The following TRIM37 variants were observed in gnomAD, a reference collection of about 807,000 sequenced individuals.
The protein encoded by TRIM37 is E3 ubiquitin-protein ligase TRIM37.
A neutral mutation model predicts 129.8 loss-of-function variants in TRIM37; 80 were observed. The ratio of observed to expected loss-of-function variants is 0.62; its 90% CI spans 0.51 to 0.74. The LOEUF (loss-of-function observed/expected upper bound fraction) is 0.74. Ranked by LOEUF, TRIM37 falls within the 30% of genes least tolerant of loss-of-function variation. TRIM37 has a pLI of 0.00. For synonymous variants in TRIM37, 389 were observed against 387.1 expected, an observed-to-expected ratio of 1.00 and a Z score of -0.06; for missense variants, 1,054 against 1,176.5, an observed-to-expected ratio of 0.90 and a Z score of 1.52.
At chr17:59,034,126 G>A (rs867120281) in intron 17 of TRIM37, among the ~76,000 whole-genome samples, 4 of 151,578 alleles carry the variant, frequency 2.6e-5, no homozygotes, top group Admixed American at 6.6e-5. Context: ...AAAAGGATAC[G>A]GAGGTGAGAT....
chr17:59,045,272 T>C (rs2039656630), intron 16 of TRIM37, among the ~76,000 whole-genome samples: 1 of 149,084 alleles, frequency 6.7e-6, no homozygotes, highest in African/African-American at 2.5e-5. Context: ...GAGCTTGCAG[T>C]GAGCGGATAT....
At chr17:58,970,654 A>G in the TRIM37 span, among the ~76,000 whole-genome samples, 1 of 152,168 alleles carries the variant, frequency 6.6e-6, no homozygotes, top group Admixed American at 6.5e-5. Flanking sequence ...AAGAAAGAGA[A>G]TTATTCTTCA....
intron 22 of TRIM37, among the ~76,000 whole-genome samples, chr17:59,012,049 G>C (rs1312379173): frequency 6.6e-6 from 1 of 152,130 alleles, no homozygotes; most frequent in African/African-American, 2.4e-5. Flanking sequence ...AGTAAGGCCT[G>C]TCCTTTTATA....
At chr17:59,033,487 C>T (rs1280156140) in intron 17 of TRIM37, among the ~76,000 whole-genome samples, 1 of 152,090 alleles carries the variant, frequency 6.6e-6, no homozygotes, top group African/African-American at 2.4e-5. Flanking sequence ...GGCTGGAGTG[C>T]AGCGGCCCGA....
intron 5 of TRIM37, among the ~76,000 whole-genome samples, chr17:59,082,702 T>C (rs1376386154): frequency 2.0e-5 from 3 of 152,202 alleles, no homozygotes; most frequent in African/African-American, 7.2e-5. Flanking sequence ...ACCAGAATTA[T>C]TAAATTTTAA....
chr17:59,063,420 C>A (rs982787520), intron 10 of TRIM37, among the ~76,000 whole-genome samples: 1 of 152,142 alleles, frequency 6.6e-6, no homozygotes, highest in Non-Finnish European at 1.5e-5. Flanking sequence ...CTCGATGATC[C>A]ACCCGCCTTG....
intron 14 of TRIM37, among the ~76,000 whole-genome samples, chr17:59,050,553 A>T (rs899744429): frequency 3.3e-5 from 5 of 152,086 alleles, no homozygotes; most frequent in African/African-American, 7.2e-5. Flanking sequence ...GCCATGACAC[A>T]TGCTCGTAGT....
In TRIM37 at chr17:58,998,531, C is replaced by G; in HGVS notation, c.*846G>C. 1 of 985,220 alleles carries G rather than the reference C, an allele frequency of 1.0e-6. No homozygotes were observed. 61.0% of individuals were successfully genotyped at this position (985,220 alleles called of 1,614,324 possible). A position where few individuals can be genotyped will look rare whatever the true frequency, so the allele number is the denominator to read the frequency against. On this transcript the variant is annotated 3_prime_UTR_variant, in exon 24 of 24. Coordinates refer to ENST00000262294, the MANE Select transcript of TRIM37 (RefSeq NM_015294.6). ...CACAGTTTCACGTTCATGTAAGCCACTGTGCAACATGAATGAATCTTTAAA... is the reference window on the plus strand; with the variant it reads ...CACAGTTTCACGTTCATGTAAGCCAGTGTGCAACATGAATGAATCTTTAAA...
intron 13 of TRIM37, among the ~76,000 whole-genome samples, chr17:59,056,114 C>G (rs1312423683): frequency 6.6e-6 from 1 of 152,100 alleles, no homozygotes. Flanking sequence ...CCTCACTATT[C>G]TTAGATTTCC....
chr17:59,027,374 A>G (rs536991901), intron 19 of TRIM37, among the ~76,000 whole-genome samples: 4 of 152,292 alleles, frequency 2.6e-5, no homozygotes, highest in Non-Finnish European at 4.4e-5. Context: ...CTAAAATTCT[A>G]TTTAGGCTTT....
At chr17:59,016,321 C>T (rs923681573) in intron 20 of TRIM37, among the ~76,000 whole-genome samples, 5 of 138,276 alleles carry the variant, frequency 3.6e-5, no homozygotes, top group African/African-American at 5.4e-5. Flanking sequence ...TTGAACACGG[C>T]GGGCGGAGGT....
intron 17 of TRIM37, among the ~76,000 whole-genome samples, chr17:59,032,341 A>G (rs1235810324): frequency 6.6e-6 from 1 of 150,822 alleles, no homozygotes; most frequent in Non-Finnish European, 1.5e-5. Flanking sequence ...CTGGCTAACA[A>G]GGTGAAACCC....
intron 23 of TRIM37, 89 bp from the exon 24 acceptor site, chr17:58,999,548 C>T (rs2033407250): frequency 2.8e-6 from 3 of 1,087,384 alleles, no homozygotes; most frequent in Non-Finnish European, 1.3e-6. Flanking sequence ...AATAATCTTA[C>T]CAAATGTGTT....
In TRIM37 at chr17:59,064,262, C is replaced by G. The variant is rs975444127; in HGVS notation, c.860+93G>C. 4 of 923,252 alleles carry G rather than the reference C, an allele frequency of 4.3e-6. No individual in the cohort carries two copies. The Admixed American group carries it at 7.4e-5, about 17-fold the overall frequency. The allele number at this position is 923,252 out of a possible 1,614,324, so 57.2% of individuals were successfully genotyped here. On this transcript the variant is annotated intron_variant, in intron 10 of 23. Coordinates refer to ENST00000262294, the MANE Select transcript of TRIM37 (RefSeq NM_015294.6). Reference sequence around the variant, plus strand: ...TCTAAGACTTCTAAAGTGAGTGACACAGTTCACTAGATTACTGTCTTACCA... The same window carrying G: ...TCTAAGACTTCTAAAGTGAGTGACAGAGTTCACTAGATTACTGTCTTACCA...
chr17:59,017,750 G>A (rs1348872071), intron 19 of TRIM37, among the ~76,000 whole-genome samples: 1 of 151,798 alleles, frequency 6.6e-6, no homozygotes. Context: ...TCAGCCTCCC[G>A]AGTAGCTCAG....
downstream of TRIM37, chr17:58,979,874 C>T: frequency 1.1e-6 from 1 of 915,692 alleles, no homozygotes; most frequent in Non-Finnish European, 1.6e-6. Context: ...AGTTCACAAT[C>T]CAGTAAGCTG....
chr17:58,984,945 G>C (rs1036319211), intron 24 of TRIM37: 2 of 152,626 alleles, frequency 1.3e-5, no homozygotes, highest in Non-Finnish European at 2.9e-5. Context: ...GACAGGCTTT[G>C]TTCTCTTGTT....
intron 9 of TRIM37, among the ~76,000 whole-genome samples, chr17:59,068,256 T>C (rs2042079918): frequency 6.6e-6 from 1 of 152,198 alleles, no homozygotes; most frequent in South Asian, 2.1e-4. Context: ...AATGGGAATT[T>C]ACATACATCA....
chr17:59,098,668 TAA>T (rs57583644), intron 2 of TRIM37, among the ~76,000 whole-genome samples: 19 of 103,722 alleles, frequency 1.8e-4, no homozygotes, highest in Admixed American at 2.3e-4. Flanking sequence ...CTGTCTCATT[TAA>T]AAAAAAAAAA....
Sources: allele counts gnomAD v4.1 joint callset (sites outside exome capture counted in the v4.1 genomes callset), GRCh38; gene constraint gnomAD v4.1.1; transcripts MANE v1.5; gene names NCBI Gene and HGNC (gene_info 2026-07-23, HGNC 2026-07-21).